Variants in DLGAP2 observed in about 807,000 individuals in gnomAD.
DLGAP2 encodes disks large-associated protein 2.
DLGAP2 carries 26 observed loss-of-function variants against 100.3 expected under a neutral mutation model. The observed-to-expected ratio is 0.26, with a 90% CI of 0.19 to 0.36. DLGAP2 has a LOEUF of 0.36. Ranked by LOEUF, DLGAP2 falls within the 10% of genes least tolerant of loss-of-function variation. The pLI is 1.00. For missense variants in DLGAP2, 1,858 were observed against 1,453.2 expected (o/e 1.28, Z -4.53); for synonymous variants, 886 against 630.1 (o/e 1.41, Z -6.08).
At chr8:1,269,948 G>T (rs977863048) in intron 3 of DLGAP2, among the ~76,000 whole-genome samples, 5 of 152,206 alleles carry the variant, frequency 3.3e-5, no homozygotes, top group Non-Finnish European at 5.9e-5. Flanking sequence ...AGAGGCACAT[G>T]CAGAATCCTG....
rs1242328516 is a variant in DLGAP2, at chr8:907,918, C to T, written c.25C>T (p.Pro9Ser). 2 of 398,810 alleles carry T rather than the reference C, an allele frequency of 5.0e-6. No homozygotes were observed. Among genetic ancestry groups the T allele is most frequent in the African/African-American group, 2.1e-5 (1 of 48,628 alleles). 24.7% of individuals were successfully genotyped at this position (398,810 alleles called of 1,614,324 possible). MSALRKVL[P>S]GILQKHCCIL... is the part of the protein sequence containing the mutation. Reference sequence around the variant, plus strand: ...TTTATTTGTTTTAAAACAGGTTTTGCCTGGCATTCTGCAGAAGCATTGCTG... The same window carrying T: ...TTTATTTGTTTTAAAACAGGTTTTGTCTGGCATTCTGCAGAAGCATTGCTG... The change falls in exon 2 of 15, where the codon CCT (proline) becomes TCT (serine). Residue 9 changes from proline (P) to serine (S), a missense_variant. Coordinates refer to ENST00000637795, the MANE Select transcript of DLGAP2 (RefSeq NM_001346810.2).
At position 1,344,173 on chromosome 8, in the gene DLGAP2, G is replaced by GT. The variant is rs1488925522; in HGVS notation, c.106+85290_106+85291insT. 6.4e-5 allele frequency among the ~76,000 whole-genome samples: 4 copies of GT among 62,164 alleles called. No homozygotes were observed. In the East Asian group the frequency reaches 3.1e-3, roughly 49 times the overall value. 40.8% of individuals were successfully genotyped at this position (62,164 alleles called of 152,430 possible). ...CCCTGTCGTGGGTCTTTGTACTCGGGGCGCTGTCGTGGGTCCGTGTACTCG... is the reference window on the plus strand; with the variant it reads ...CCCTGTCGTGGGTCTTTGTACTCGGGTGCGCTGTCGTGGGTCCGTGTACTCG... On this transcript the variant is annotated intron_variant, in intron 3 of 14. Transcript: ENST00000637795.
At chr8:1,547,310 G>T (rs1308337923) in intron 4 of DLGAP2, among the ~76,000 whole-genome samples, 2 of 152,152 alleles carry the variant, frequency 1.3e-5, no homozygotes. Context: ...CCTAGATGTG[G>T]CCCTGGGTGA....
intron 3 of DLGAP2, among the ~76,000 whole-genome samples, chr8:1,333,074 AG>A (rs1241290168): frequency 1.3e-5 from 2 of 152,102 alleles, no homozygotes. Context: ...TGTCTGGAGG[AG>A]GTCAGGCTCT....
intron 6 of DLGAP2, among the ~76,000 whole-genome samples, chr8:1,571,424 A>G (rs1802673201): frequency 1.8e-5 from 2 of 113,484 alleles, no homozygotes; most frequent in African/African-American, 6.9e-5. Flanking sequence ...GAGAGGGTGA[A>G]TTGTGGGGTG....
At chr8:1,539,996 G>A (rs1457018674) in intron 4 of DLGAP2, among the ~76,000 whole-genome samples, 3 of 152,146 alleles carry the variant, frequency 2.0e-5, no homozygotes, top group Non-Finnish European at 4.4e-5. Flanking sequence ...GCAAAGTCCT[G>A]TTATTATTGC....
At chr8:1,044,856 A>G (rs1482085337) in intron 2 of DLGAP2, among the ~76,000 whole-genome samples, 3 of 152,200 alleles carry the variant, frequency 2.0e-5, no homozygotes, top group South Asian at 2.1e-4. Flanking sequence ...CCTCAGGGTC[A>G]AAACCCCAAT....
intron 3 of DLGAP2, among the ~76,000 whole-genome samples, chr8:1,322,280 C>G (rs1229728716): frequency 6.6e-6 from 1 of 152,158 alleles, no homozygotes; most frequent in African/African-American, 2.4e-5. Context: ...TAGTTAAAAG[C>G]CAAGCATACT....
chr8:1,467,709 G>C (rs765258795), intron 3 of DLGAP2, among the ~76,000 whole-genome samples: 1 of 152,162 alleles, frequency 6.6e-6, no homozygotes, highest in Non-Finnish European at 1.5e-5. Flanking sequence ...TAAAGGGAGC[G>C]TGGCCTGGCT....
intron 2 of DLGAP2, among the ~76,000 whole-genome samples, chr8:1,204,777 G>C (rs1346610615): frequency 6.6e-6 from 1 of 152,162 alleles, no homozygotes; most frequent in African/African-American, 2.4e-5. Flanking sequence ...GAAAAAATCT[G>C]AATAAGAGGT....
chr8:1,615,454 A>T (rs1440311806), intron 6 of DLGAP2, among the ~76,000 whole-genome samples: 1 of 152,384 alleles, frequency 6.6e-6, no homozygotes, highest in African/African-American at 2.4e-5. Flanking sequence ...TGATGTGCTC[A>T]AAACGAAGCC....
intron 2 of DLGAP2, among the ~76,000 whole-genome samples, chr8:1,165,128 G>C (rs1433857041): frequency 7.0e-6 from 1 of 143,136 alleles, no homozygotes; most frequent in East Asian, 2.3e-4. Context: ...CTGCCAGATA[G>C]AGAGAGAGGA....
intron 3 of DLGAP2, among the ~76,000 whole-genome samples, chr8:1,334,145 C>T (rs1801219746): frequency 6.6e-6 from 1 of 152,234 alleles, no homozygotes; most frequent in Non-Finnish European, 1.5e-5. Flanking sequence ...TCTGAGAGCT[C>T]CTCAGTGAGG....
chr8:1,555,588 G>A (rs1335392314), intron 5 of DLGAP2, among the ~76,000 whole-genome samples: 3 of 152,232 alleles, frequency 2.0e-5, no homozygotes, highest in South Asian at 2.1e-4. Flanking sequence ...GGGACCGTCT[G>A]CAGGAGTGCA....
chr8:1,498,397 A>G (rs1214693798), intron 3 of DLGAP2, among the ~76,000 whole-genome samples: 3 of 152,086 alleles, frequency 2.0e-5, no homozygotes, highest in Admixed American at 6.5e-5. Context: ...AAAAAATTAC[A>G]CATTCGGGAT....
At chr8:981,866 C>T (rs1207580142) in intron 2 of DLGAP2, among the ~76,000 whole-genome samples, 1 of 152,158 alleles carries the variant, frequency 6.6e-6, no homozygotes, top group South Asian at 2.1e-4. Context: ...TCTATGAATC[C>T]TCTTTCCACA....
At chr8:837,484 T>C (rs1003353725) in intron 1 of DLGAP2, among the ~76,000 whole-genome samples, 1 of 152,176 alleles carries the variant, frequency 6.6e-6, no homozygotes, top group Non-Finnish European at 1.5e-5. Flanking sequence ...ATCCTTCTTT[T>C]CAACATTTTT....
chr8:1,587,944 A>G (rs1315240586), intron 6 of DLGAP2, among the ~76,000 whole-genome samples: 4 of 152,218 alleles, frequency 2.6e-5, no homozygotes, highest in Admixed American at 1.3e-4. Context: ...CACTATACCA[A>G]TGAGCTACTT....
At chr8:1,262,708 G>A (rs1262056010) in intron 3 of DLGAP2, 1 of 152,170 alleles carries the variant, frequency 6.6e-6, no homozygotes, top group Non-Finnish European at 1.5e-5. Context: ...TAAGAGGGCA[G>A]GCTGGTTTAT....
Sources: gnomAD v4.1 joint callset for allele counts (sites outside exome capture counted in the v4.1 genomes callset) on GRCh38, gnomAD v4.1.1 for gene constraint, MANE v1.5 for transcripts, NCBI Gene and HGNC (gene_info 2026-07-23, HGNC 2026-07-21) for gene names.